Variants in ARHGEF3 observed in about 807,000 individuals in gnomAD.
ARHGEF3 encodes the protein Rho guanine nucleotide exchange factor 3.
A neutral mutation model predicts 63.2 loss-of-function variants in ARHGEF3; 28 were observed. That is an observed-to-expected ratio of 0.44 (90% CI 0.33 to 0.61). The LOEUF (loss-of-function observed/expected upper bound fraction) is 0.61, where lower values mean the gene tolerates loss of function less well. Among genes scored for constraint, ARHGEF3 ranks in the 20% least tolerant of loss-of-function variants. The probability of loss-of-function intolerance (pLI) is 0.03; values close to 1 mark genes in which losing one functional copy is unlikely to be tolerated. For missense variants in ARHGEF3, 533 were observed against 659.3 expected, an observed-to-expected ratio of 0.81 and a Z score of 2.10; for synonymous variants, 266 against 254.2, an observed-to-expected ratio of 1.05 and a Z score of -0.44.
At chr3:56,874,510 G>A (rs1056192639) in intron 4 of ARHGEF3, among the ~76,000 whole-genome samples, 31 of 152,104 alleles carry the variant, frequency 2.0e-4, no homozygotes, top group African/African-American at 6.8e-4. Context: ...CTGCTATTCC[G>A]TGCCTGGTTT....
At chr3:56,792,997 T>G (rs944525772) in intron 1 of ARHGEF3, among the ~76,000 whole-genome samples, 6 of 149,214 alleles carry the variant, frequency 4.0e-5, no homozygotes, top group Non-Finnish European at 6.0e-5. Flanking sequence ...ATTGGGTTTT[T>G]TTTTTTTTTT....
At position 57,014,741 on chromosome 3, in the gene ARHGEF3, C is replaced by T. The variant is rs189759011; in HGVS notation, c.62+20347G>A. Among the ~76,000 whole-genome samples the T allele has an allele frequency of 5.0e-3, 761 of 150,738 alleles. 3 individuals are homozygous for T. Among genetic ancestry groups the T allele is most frequent in the African/African-American group, 0.017 (711 of 41,050 alleles). On this transcript the variant is annotated intron_variant, in intron 2 of 12. Transcript: ENST00000338458. ...TGTCACCCAGGCTGGAGTGCAGTGGCGTGATGTCAGCTCACCACAAGCTCC... is the reference window on the plus strand; with the variant it reads ...TGTCACCCAGGCTGGAGTGCAGTGGTGTGATGTCAGCTCACCACAAGCTCC...
chr3:56,950,569 A>G (rs940038607), intron 3 of ARHGEF3, among the ~76,000 whole-genome samples: 3 of 152,122 alleles, frequency 2.0e-5, no homozygotes, highest in African/African-American at 7.3e-5. Flanking sequence ...GCAAATCAAA[A>G]GCACAATGAG....
chr3:57,014,297 C>G (rs934404217), intron 2 of ARHGEF3, among the ~76,000 whole-genome samples: 1 of 152,214 alleles, frequency 6.6e-6, no homozygotes, highest in Non-Finnish European at 1.5e-5. Context: ...CGGCTTCATT[C>G]TTGAAGTCAG....
At chr3:56,888,903 C>CG (rs567764155) in intron 3 of ARHGEF3, among the ~76,000 whole-genome samples, 1 of 135,520 alleles carries the variant, frequency 7.4e-6, no homozygotes, top group Non-Finnish European at 1.7e-5. Context: ...AACTCCATCT[C>CG]AAAAAAAAAC....
chr3:56,779,187 C>A (rs1307863596), intron 1 of ARHGEF3, among the ~76,000 whole-genome samples: 1 of 152,196 alleles, frequency 6.6e-6, no homozygotes, highest in Non-Finnish European at 1.5e-5. Flanking sequence ...TGTGAGTAAA[C>A]CCTATTTTAT....
chr3:56,903,661 G>T (rs906042390), intron 3 of ARHGEF3, among the ~76,000 whole-genome samples: 1 of 152,124 alleles, frequency 6.6e-6, no homozygotes, highest in African/African-American at 2.4e-5. Flanking sequence ...CCTGACCCTT[G>T]TTTGGATAGC....
At position 56,989,282 on chromosome 3, in the gene ARHGEF3, C is replaced by A. The variant is rs372581654; in HGVS notation, c.63-30393G>T. On this transcript the variant is annotated intron_variant, in intron 2 of 12. Transcript: ENST00000338458. ...AGGTCAAGGAGCATTTTATTCCACT[C>A]CTCGCTTGCGTTTTTTTTTTGCTGG... Among the ~76,000 whole-genome samples, 40 of 151,990 alleles carry A rather than the reference C, an allele frequency of 2.6e-4. 4 individuals carry two copies. Among genetic ancestry groups the A allele is most frequent in the Admixed American group, 2.2e-3 (34 of 15,244 alleles).
At chr3:56,862,197 T>C (rs1337118761) in intron 4 of ARHGEF3, among the ~76,000 whole-genome samples, 1 of 147,420 alleles carries the variant, frequency 6.8e-6, no homozygotes, top group Non-Finnish European at 1.5e-5. Context: ...AGGGTCAGAC[T>C]GCCCTTCTGT....
At chr3:56,957,390 C>G (rs916408930) in intron 3 of ARHGEF3, among the ~76,000 whole-genome samples, 2 of 152,182 alleles carry the variant, frequency 1.3e-5, no homozygotes, top group Non-Finnish European at 2.9e-5. Context: ...GAAACGCAAT[C>G]TAAAGGTAAC....
At chr3:56,901,585 A>AT (rs35046019) in intron 3 of ARHGEF3, among the ~76,000 whole-genome samples, 92,995 of 141,466 alleles carry the variant, frequency 0.66, 31,149 homozygotes, top group South Asian at 0.76. Context: ...TCTGGTTGTA[A>AT]TTTTTTTTTT....
intron 4 of ARHGEF3, among the ~76,000 whole-genome samples, chr3:56,878,395 T>C (rs558704026): frequency 6.6e-6 from 1 of 152,312 alleles, no homozygotes; most frequent in East Asian, 1.9e-4. Flanking sequence ...GTTTGTGTTC[T>C]AACCCACCAG....
At chr3:56,753,443 G>A (rs925762767) in intron 4 of ARHGEF3, 61 bp downstream of exon 4, 43 of 1,467,148 alleles carry the variant, frequency 2.9e-5, no homozygotes, top group African/African-American at 1.4e-5. Flanking sequence ...CTTTAGGGTT[G>A]TGAAATTACT....
chr3:57,000,342 A>C (rs1022119387), intron 2 of ARHGEF3, among the ~76,000 whole-genome samples: 2 of 146,150 alleles, frequency 1.4e-5, no homozygotes, highest in African/African-American at 2.5e-5. Context: ...ACACACACAC[A>C]CCTTAAGCAT....
At chr3:56,921,550 G>C (rs577978210) in intron 3 of ARHGEF3, among the ~76,000 whole-genome samples, 6 of 152,204 alleles carry the variant, frequency 3.9e-5, no homozygotes, top group Admixed American at 3.3e-4. Flanking sequence ...TTTATTGAAT[G>C]TCTTTATCTA....
chr3:56,783,202 A>G (rs549653310), intron 1 of ARHGEF3, among the ~76,000 whole-genome samples: 25 of 152,198 alleles, frequency 1.6e-4, no homozygotes, highest in Non-Finnish European at 2.5e-4. Flanking sequence ...GGGTAGAAAG[A>G]AATCACACTT....
At chr3:56,771,415 G>C (rs1042914056) in intron 2 of ARHGEF3, among the ~76,000 whole-genome samples, 1 of 152,244 alleles carries the variant, frequency 6.6e-6, no homozygotes, top group Non-Finnish European at 1.5e-5. Context: ...AAAGCAGCCA[G>C]GGCTGGGCTG....
chr3:56,858,995 C>CA lies in ARHGEF3; in HGVS notation c.192+23296dup, dbSNP rs914788701. On this transcript the variant is annotated intron_variant, in intron 4 of 12. Transcript: ENST00000338458. ...TGTTTTTAAATGGCGAAGACAAAAA[C>CA]AAAAAAATGTAGGATTATGAAAGAC... Among the ~76,000 whole-genome samples, 5 of 151,764 alleles carry CA rather than the reference C, an allele frequency of 3.3e-5. No individual in the cohort carries two copies. The East Asian group carries it at 7.7e-4, about 23-fold the overall frequency.
At chr3:56,910,007 C>T (rs2041812630) in intron 3 of ARHGEF3, among the ~76,000 whole-genome samples, 3 of 152,104 alleles carry the variant, frequency 2.0e-5, no homozygotes, top group African/African-American at 4.8e-5. Flanking sequence ...CCAGAATGAA[C>T]CCATGTAGGA....
Sources: gnomAD v4.1 joint callset for allele counts (sites outside exome capture counted in the v4.1 genomes callset) on GRCh38, gnomAD v4.1.1 for gene constraint, MANE v1.5 for transcripts, NCBI Gene and HGNC (gene_info 2026-07-23, HGNC 2026-07-21) for gene names.